Variants in PAX7 observed in about 807,000 individuals in gnomAD.
The protein encoded by PAX7 is paired box 7.
A neutral mutation model predicts 50.7 loss-of-function variants in PAX7; 18 were observed. The ratio of observed to expected loss-of-function variants is 0.36; its 90% confidence interval spans 0.25 to 0.53. The LOEUF (loss-of-function observed/expected upper bound fraction) is 0.53, where lower values mean the gene tolerates loss of function less well. Among genes scored for constraint, PAX7 ranks in the 20% least tolerant of loss-of-function variants. The pLI, the probability that PAX7 is intolerant of heterozygous loss-of-function variation, is 0.93. For missense variants in PAX7, 644 were observed against 702.9 expected (o/e 0.92, Z 0.95); for synonymous variants, 310 against 290.4 (o/e 1.07, Z -0.69).
chr1:18,676,676 A>C (rs1406111331), intron 4 of PAX7, among the ~76,000 whole-genome samples: 1 of 152,092 alleles, frequency 6.6e-6, no homozygotes, highest in African/African-American at 2.4e-5. Context: ...GAAGCAGATG[A>C]TCTCAGGGTG....
At chr1:18,673,780 G>T (rs368483592) in intron 4 of PAX7, among the ~76,000 whole-genome samples, 1 of 152,160 alleles carries the variant, frequency 6.6e-6, no homozygotes. Context: ...GGGATTCCAC[G>T]GGCAAGGGAG....
chr1:18,743,522 A>C (rs1016461610), intron 8 of PAX7, among the ~76,000 whole-genome samples: 5 of 152,186 alleles, frequency 3.3e-5, no homozygotes, highest in African/African-American at 4.8e-5. Flanking sequence ...AGGCCTTGCA[A>C]TTCTTAACAC....
At chr1:18,728,256 G>T (rs2089598817) in intron 7 of PAX7, among the ~76,000 whole-genome samples, 1 of 152,086 alleles carries the variant, frequency 6.6e-6, no homozygotes, top group South Asian at 2.1e-4. Context: ...CATCGGGGAG[G>T]CCGGTGGATC....
intron 8 of PAX7, among the ~76,000 whole-genome samples, chr1:18,736,981 C>T (rs768138043): frequency 6.6e-6 from 1 of 152,268 alleles, no homozygotes; most frequent in Non-Finnish European, 1.5e-5. Flanking sequence ...CCAACTCTCT[C>T]CTCCACTCCA....
Position 18,692,064 on chromosome 1 carries a change from G to C in PAX7, c.786+111G>C. 17 of 934,782 alleles carry C rather than the reference G, an allele frequency of 1.8e-5. No homozygotes were observed. The South Asian group carries it at 2.8e-4, about 16-fold the overall frequency. The allele number at this position is 934,782 out of a possible 1,614,324, so 57.9% of individuals were successfully genotyped here. A position where few individuals can be genotyped will look rare whatever the true frequency, so the allele number is the denominator to read the frequency against. ...GGACCCCTCGGGGGGTTTACAACAG[G>C]TTCAGGGGGTTGTGTAGGCAAGTAA... is the stretch of plus-strand genomic sequence containing the variant. On this transcript the variant is annotated intron_variant, in intron 5 of 8. Transcript: ENST00000420770.
At chr1:18,703,014 T>C in intron 6 of PAX7, 80 bp from the exon 7 acceptor site, 1 of 1,307,678 alleles carries the variant, frequency 7.6e-7, no homozygotes, top group Non-Finnish European at 1.1e-6. Context: ...GAGGAGTCTC[T>C]TGGCTTGCCT....
rs553360861 is a variant in PAX7, at chr1:18,649,761, A to G, written c.586+13390A>G. On this transcript the variant is annotated intron_variant, in intron 4 of 8. Coordinates refer to ENST00000420770, the MANE Select transcript of PAX7 (RefSeq NM_001135254.2). ...GCAAGGGAAAATAAAGCCCAGAGGGAAAAGAATCACAGATTGTGGTTAGGG... is the reference window on the plus strand; with the variant it reads ...GCAAGGGAAAATAAAGCCCAGAGGGGAAAGAATCACAGATTGTGGTTAGGG... Among the ~76,000 whole-genome samples, 3 of 152,326 alleles carry G rather than the reference A, an allele frequency of 2.0e-5. No homozygotes were observed. The South Asian group carries it at 6.2e-4, about 32-fold the overall frequency.
At chr1:18,643,919 G>GGT (rs2088300037) in intron 4 of PAX7, among the ~76,000 whole-genome samples, 1 of 152,242 alleles carries the variant, frequency 6.6e-6, no homozygotes, top group Admixed American at 6.5e-5. Context: ...CGTGCCTGGC[G>GGT]GTGTTGGGAC....
chr1:18,639,807 C>T (rs2088221565), intron 4 of PAX7, among the ~76,000 whole-genome samples: 1 of 152,082 alleles, frequency 6.6e-6, no homozygotes, highest in East Asian at 1.9e-4. Context: ...ACACCAAAGC[C>T]GCATGCATCT....
chr1:18,677,424 C>A (rs774974372), intron 4 of PAX7, among the ~76,000 whole-genome samples: 56 of 152,116 alleles, frequency 3.7e-4, no homozygotes, highest in Non-Finnish European at 1.5e-5. Flanking sequence ...ATCCTGAGAC[C>A]CCTAGTTCCT....
intron 4 of PAX7, among the ~76,000 whole-genome samples, chr1:18,655,199 C>A (rs903529114): frequency 6.6e-6 from 1 of 152,170 alleles, no homozygotes; most frequent in Non-Finnish European, 1.5e-5. Flanking sequence ...TTTCCAGGGG[C>A]CAGAAGCTGG....
chr1:18,653,670 C>T (rs1330918907), intron 4 of PAX7, among the ~76,000 whole-genome samples: 3 of 151,644 alleles, frequency 2.0e-5, no homozygotes, highest in African/African-American at 7.3e-5. Flanking sequence ...AGGCACAGGT[C>T]GGGGGGGTTG....
intron 4 of PAX7, among the ~76,000 whole-genome samples, chr1:18,682,163 T>A (rs1302391139): frequency 6.6e-6 from 1 of 152,148 alleles, no homozygotes; most frequent in African/African-American, 2.4e-5. Flanking sequence ...CTCTCCTCCC[T>A]CCCTCCTCTC....
At chr1:18,655,144 G>A (rs2088494434) in intron 4 of PAX7, among the ~76,000 whole-genome samples, 1 of 152,054 alleles carries the variant, frequency 6.6e-6, no homozygotes, top group Admixed American at 6.5e-5. Flanking sequence ...TCTCATTACT[G>A]CAAAAAATAA....
Position 18,746,555 on chromosome 1 carries a change from G to A in PAX7, c.*1626G>A, listed in dbSNP as rs140671556. On this transcript the variant is annotated 3_prime_UTR_variant, in exon 9 of 9. Coordinates refer to ENST00000420770, the MANE Select transcript of PAX7 (RefSeq NM_001135254.2). ...TTTATCAGGTGCTGCTGAGTACAAA[G>A]CACTTGGGATGGGAGACACAGCACT... 4.3e-4 allele frequency: 100 copies of A among 231,452 alleles called. 2 individuals carry two copies. In the East Asian group the frequency reaches 6.0e-3, roughly 14 times the overall value. The allele number at this position is 231,452 out of a possible 1,614,324, so 14.3% of individuals were successfully genotyped here.
chr1:18,726,139 AGTGTGAGTGT>A lies in PAX7; in HGVS notation c.1156-9487_1156-9478del, dbSNP rs1186444582. ...CATCTTATAAAACAGACATTGGAAG[AGTGTGAGTGT>A]GTGTGTGTGTGTGTGTGTGTGTGTG... On this transcript the variant is annotated intron_variant, in intron 7 of 8. Coordinates refer to ENST00000420770, the MANE Select transcript of PAX7 (RefSeq NM_001135254.2). The surrounding 1 kb of genome is among the most constrained non-coding windows in gnomAD (Gnocchi z 4.8). Among the ~76,000 whole-genome samples, 8 of 97,076 alleles carry A rather than the reference AGTGTGAGTGT, an allele frequency of 8.2e-5. No individual in the cohort carries two copies. The highest frequency in any genetic ancestry group is 4.0e-4 in the African/African-American group (8 of 20,116). The allele number at this position is 97,076 out of a possible 152,430, so 63.7% of individuals were successfully genotyped here.
chr1:18,691,684 C>T, intron 4 of PAX7, 70 bp from the exon 5 acceptor site: 1 of 1,418,636 alleles, frequency 7.0e-7, no homozygotes. Flanking sequence ...CTTGTGCTCT[C>T]CTCCCAGACC....
At position 18,747,412 on chromosome 1, in the gene PAX7, C is replaced by G. The variant is rs961571284; in HGVS notation, c.*2483C>G. 15 of 227,054 alleles carry G rather than the reference C, an allele frequency of 6.6e-5. No individual in the cohort carries two copies. Among genetic ancestry groups the G allele is most frequent in the Non-Finnish European group, 1.1e-4 (12 of 114,194 alleles). The allele number at this position is 227,054 out of a possible 1,614,324, so 14.1% of individuals were successfully genotyped here. A position where few individuals can be genotyped will look rare whatever the true frequency, so the allele number is the denominator to read the frequency against. On this transcript the variant is annotated 3_prime_UTR_variant, in exon 9 of 9. Transcript: ENST00000420770. ...ACTTATTCCTTGACAGGCCCCACCCCCTTCAGAAAGAGGCCCTTGACCCTG... is the reference window on the plus strand; with the variant it reads ...ACTTATTCCTTGACAGGCCCCACCCGCTTCAGAAAGAGGCCCTTGACCCTG...
intron 7 of PAX7, among the ~76,000 whole-genome samples, chr1:18,729,030 A>G (rs747790632): frequency 1.3e-5 from 2 of 152,152 alleles, no homozygotes; most frequent in African/African-American, 2.4e-5. Context: ...GCAGAGGTGG[A>G]TTCCAGACCC....
Sources: allele counts gnomAD v4.1 joint callset (sites outside exome capture counted in the v4.1 genomes callset), GRCh38; gene constraint gnomAD v4.1.1; non-coding constraint Gnocchi (gnomAD v3.1); transcripts MANE v1.5; gene names NCBI Gene and HGNC (gene_info 2026-07-23, HGNC 2026-07-21).